Variants in SPMIP7 observed in about 807,000 individuals in gnomAD.
The protein encoded by SPMIP7 is protein SPMIP7.
chr7:50,113,989 G>A, the SPMIP7 span, among the ~76,000 whole-genome samples: 1 of 151,970 alleles, frequency 6.6e-6, no homozygotes, highest in South Asian at 2.1e-4. Context: ...GTTTCTGCAA[G>A]CCAGAAGAAA....
At chr7:50,157,761 G>T in the SPMIP7 span, among the ~76,000 whole-genome samples, 2 of 152,132 alleles carry the variant, frequency 1.3e-5, no homozygotes, top group African/African-American at 4.8e-5. Context: ...ACGGGCTTGT[G>T]GGGTTGCTCA....
chr7:50,153,432 CT>C, the SPMIP7 span, among the ~76,000 whole-genome samples: 1 of 152,218 alleles, frequency 6.6e-6, no homozygotes, highest in Non-Finnish European at 1.5e-5. Flanking sequence ...TTCACATGAT[CT>C]TTTACTAAGT....
At chr7:50,159,235 T>C in the SPMIP7 span, 1 of 1,515,188 alleles carries the variant, frequency 6.6e-7, no homozygotes, top group African/African-American at 1.4e-5. Flanking sequence ...CGGTGGGAAA[T>C]AAAGGCTGCT....
At chr7:50,106,977 C>T in the SPMIP7 span, among the ~76,000 whole-genome samples, 1 of 151,960 alleles carries the variant, frequency 6.6e-6, no homozygotes, top group African/African-American at 2.4e-5. Context: ...TGGCTCACAC[C>T]TGTAATCCCA....
the SPMIP7 span, among the ~76,000 whole-genome samples, chr7:50,106,097 G>A: frequency 6.6e-6 from 1 of 152,134 alleles, no homozygotes; most frequent in Non-Finnish European, 1.5e-5. Context: ...ATTTCCAGTA[G>A]TGGAAGCTAA....
At chr7:50,097,074 C>T in the SPMIP7 span, among the ~76,000 whole-genome samples, 1 of 152,154 alleles carries the variant, frequency 6.6e-6, no homozygotes, top group Admixed American at 6.5e-5. Context: ...CATTTTTTGG[C>T]TCCAATAAGA....
the SPMIP7 span, among the ~76,000 whole-genome samples, chr7:50,145,610 ATG>A: frequency 0.026 from 924 of 34,886 alleles, 37 homozygotes; most frequent in Non-Finnish European, 0.033. Flanking sequence ...GTGTGTGTAT[ATG>A]TGTGTGTATA....
chr7:50,096,325 A>G, the SPMIP7 span: 2 of 1,552,134 alleles, frequency 1.3e-6, no homozygotes, highest in Non-Finnish European at 1.7e-6. Context: ...ACTATCATTT[A>G]CATGATCCTT....
the SPMIP7 span, among the ~76,000 whole-genome samples, chr7:50,147,526 C>A: frequency 1.3e-5 from 2 of 152,226 alleles, no homozygotes; most frequent in Admixed American, 1.3e-4. Flanking sequence ...ATAGAACATA[C>A]TCAATGACTA....
chr7:50,129,789 C>A, the SPMIP7 span: 1 of 1,539,836 alleles, frequency 6.5e-7, no homozygotes, highest in Non-Finnish European at 8.8e-7. Flanking sequence ...GTCCTCTACA[C>A]AAAAGTAAGC....
the SPMIP7 span, chr7:50,117,200 C>A: frequency 3.5e-5 from 16 of 453,054 alleles, no homozygotes; most frequent in Non-Finnish European, 4.9e-5. Context: ...TTATGCTAAA[C>A]CTTTCACGCT....
the SPMIP7 span, among the ~76,000 whole-genome samples, chr7:50,137,174 A>G: frequency 5.9e-5 from 9 of 152,278 alleles, no homozygotes; most frequent in South Asian, 1.4e-3. Flanking sequence ...ATTTTTGTTC[A>G]TATGAAAAAT....
the SPMIP7 span, among the ~76,000 whole-genome samples, chr7:50,122,958 C>A: frequency 6.7e-6 from 1 of 148,432 alleles, no homozygotes; most frequent in African/African-American, 2.5e-5. Context: ...AACACTTTTA[C>A]ACTGTTGGTG....
At chr7:50,128,748 A>C in the SPMIP7 span, among the ~76,000 whole-genome samples, 1 of 152,076 alleles carries the variant, frequency 6.6e-6, no homozygotes, top group Admixed American at 6.6e-5. Flanking sequence ...TAATTCTAAA[A>C]GAAGAGAATA....
the SPMIP7 span, among the ~76,000 whole-genome samples, chr7:50,145,618 G>GTATA: frequency 0.022 from 593 of 27,508 alleles, 12 homozygotes; most frequent in African/African-American, 0.03. Context: ...ATATGTGTGT[G>GTATA]TATATATATA....
chr7:50,156,925 C>G, the SPMIP7 span, among the ~76,000 whole-genome samples: 1 of 152,122 alleles, frequency 6.6e-6, no homozygotes, highest in Non-Finnish European at 1.5e-5. Flanking sequence ...GCTAATCTCC[C>G]GTGCCTCCTG....
the SPMIP7 span, among the ~76,000 whole-genome samples, chr7:50,156,140 A>C: frequency 6.6e-6 from 1 of 152,192 alleles, no homozygotes. Flanking sequence ...GTGCTTTCAT[A>C]AGGACTGTGC....
chr7:50,099,986 G>A, the SPMIP7 span, among the ~76,000 whole-genome samples: 1 of 151,708 alleles, frequency 6.6e-6, no homozygotes, highest in African/African-American at 2.4e-5. Context: ...GGACACGAAT[G>A]AATCAACTTT....
the SPMIP7 span, among the ~76,000 whole-genome samples, chr7:50,147,155 G>A: frequency 2.6e-5 from 4 of 152,218 alleles, no homozygotes; most frequent in African/African-American, 9.6e-5. Flanking sequence ...TGGGAGCTAA[G>A]TCAGCTTGAT....
Sources: gnomAD v4.1 joint callset for allele counts (sites outside exome capture counted in the v4.1 genomes callset) on GRCh38, gnomAD v4.1.1 for gene constraint, MANE v1.5 for transcripts, NCBI Gene and HGNC (gene_info 2026-07-23, HGNC 2026-07-21) for gene names.